CLYBL: variants seen among roughly 807,000 people sequenced by gnomAD.
The protein encoded by CLYBL is citramalyl-CoA lyase, mitochondrial.
In CLYBL, 31 loss-of-function variants were observed where a neutral mutation model predicts 38.9. The observed-to-expected ratio is 0.80, with a 90% CI of 0.60 to 1.08. The LOEUF is 1.08. Among genes scored for constraint, CLYBL ranks in the 50% least tolerant of loss-of-function variants. The probability of loss-of-function intolerance (pLI) is 0.00; values close to 1 mark genes in which losing one functional copy is unlikely to be tolerated. For missense variants in CLYBL, 434 were observed against 411.6 expected, an observed-to-expected ratio of 1.05 and a Z score of -0.47; for synonymous variants, 171 against 158.6, an observed-to-expected ratio of 1.08 and a Z score of -0.59.
At chr13:99,832,845 AAAAG>A (rs1246464645) in intron 2 of CLYBL, among the ~76,000 whole-genome samples, 2 of 151,324 alleles carry the variant, frequency 1.3e-5, no homozygotes, top group Non-Finnish European at 2.9e-5. Flanking sequence ...AAAGGGAAAA[AAAAG>A]AAAGAAAAGG....
chr13:99,876,129 T>G (rs952894586), intron 7 of CLYBL, among the ~76,000 whole-genome samples: 3 of 140,306 alleles, frequency 2.1e-5, no homozygotes, highest in African/African-American at 7.9e-5. Flanking sequence ...AAGATAAGAG[T>G]GTTTTTAATA....
rs181353033 is a variant in CLYBL at position 99,865,921 on chromosome 13, C to T, written c.635-319C>T. Among the ~76,000 whole-genome samples the T allele has an allele frequency of 4.9e-4, 74 of 152,214 alleles. No homozygotes were observed. Among genetic ancestry groups the T allele is most frequent in the Admixed American group, 3.9e-3 (59 of 15,290 alleles). ...TGTCTTTGGACTGGCACTTTTCAAG[C>T]GATGATAAGAAGGAAAAAAATATAT... On this transcript the variant is annotated intron_variant, in intron 5 of 8. Coordinates refer to ENST00000339105, the MANE Select transcript of CLYBL (RefSeq NM_206808.5). The surrounding 1 kb of genome is among the most constrained non-coding windows in gnomAD (Gnocchi z 4.7).
intron 2 of CLYBL, among the ~76,000 whole-genome samples, chr13:99,820,664 C>A (rs1156556704): frequency 2.0e-5 from 3 of 152,158 alleles, no homozygotes; most frequent in African/African-American, 7.2e-5. Context: ...TAACAATTTG[C>A]AGAAATATTT....
intron 1 of CLYBL, among the ~76,000 whole-genome samples, chr13:99,766,865 ACCT>A (rs2049278909): frequency 6.6e-6 from 1 of 151,702 alleles, no homozygotes; most frequent in Non-Finnish European, 1.5e-5. Flanking sequence ...TGTGGGACAA[ACCT>A]CCTATAGTGT....
At chr13:99,806,845 G>A (rs576771061) in intron 2 of CLYBL, among the ~76,000 whole-genome samples, 2 of 152,358 alleles carry the variant, frequency 1.3e-5, no homozygotes, top group Admixed American at 6.5e-5. Context: ...TAAGGGCAGT[G>A]GAGTTTGTTC....
chr13:99,679,226 G>A (rs2047696809), intron 1 of CLYBL, among the ~76,000 whole-genome samples: 2 of 150,952 alleles, frequency 1.3e-5, no homozygotes, highest in Non-Finnish European at 2.9e-5. Flanking sequence ...CCCGGGAGGT[G>A]GAGGTTGCAG....
chr13:99,843,613 T>TTTTC (rs2051134754), intron 2 of CLYBL, among the ~76,000 whole-genome samples: 1 of 151,400 alleles, frequency 6.6e-6, no homozygotes, highest in Non-Finnish European at 1.5e-5. Flanking sequence ...TCTTTTTTTT[T>TTTTC]TTTTTTAAGA....
chr13:99,619,674 A>G (rs1385894868), intron 1 of CLYBL, among the ~76,000 whole-genome samples: 1 of 152,164 alleles, frequency 6.6e-6, no homozygotes, highest in African/African-American at 2.4e-5. Flanking sequence ...TTCAAGTCCA[A>G]TGCTGACCCG....
intron 1 of CLYBL, among the ~76,000 whole-genome samples, chr13:99,618,620 ATTG>A (rs761026653): frequency 3.9e-4 from 60 of 152,142 alleles, no homozygotes; most frequent in African/African-American, 1.0e-3. Flanking sequence ...GTACATTCAC[ATTG>A]TTGTACAACT....
At chr13:99,887,289 AC>A (rs1197066059) in intron 7 of CLYBL, among the ~76,000 whole-genome samples, 2 of 152,052 alleles carry the variant, frequency 1.3e-5, no homozygotes, top group Non-Finnish European at 2.9e-5. Flanking sequence ...CACTCAGAGA[AC>A]CCTTTTCAAT....
At chr13:99,725,140 A>G (rs1240849880) in intron 1 of CLYBL, among the ~76,000 whole-genome samples, 1 of 152,200 alleles carries the variant, frequency 6.6e-6, no homozygotes, top group Non-Finnish European at 1.5e-5. Flanking sequence ...CTAAGCCTTG[A>G]CAAGCAGGGC....
At chr13:99,819,416 TTATATA>T (rs71715024) in intron 2 of CLYBL, among the ~76,000 whole-genome samples, 232 of 18,326 alleles carry the variant, frequency 0.013, 1 homozygote, top group Admixed American at 0.02. Flanking sequence ...GGGAAAAAAT[TTATATA>T]TATATATATA....
At chr13:99,698,060 G>A (rs9585195) in intron 1 of CLYBL, among the ~76,000 whole-genome samples, 72,389 of 152,108 alleles carry the variant, frequency 0.48, 17,691 homozygotes, top group Middle Eastern at 0.57. Context: ...AAGGTTGTTA[G>A]TGTGGCCTAA....
rs559551328 is a variant in CLYBL at position 99,701,603 on chromosome 13, G to C, written c.63-71221G>C. On this transcript the variant is annotated intron_variant, in intron 1 of 8. Transcript: ENST00000339105. ...TGGGATTACAGGCGTGAGCCACCGCGCCCGGCCTGAGGATGTGGTTTTATT... is the reference window on the plus strand; with the variant it reads ...TGGGATTACAGGCGTGAGCCACCGCCCCCGGCCTGAGGATGTGGTTTTATT... 9.2e-5 allele frequency among the ~76,000 whole-genome samples: 14 copies of C among 152,168 alleles called. No homozygotes were observed. In the South Asian group the frequency reaches 2.9e-3, roughly 32 times the overall value.
intron 1 of CLYBL, among the ~76,000 whole-genome samples, chr13:99,669,990 C>T (rs1187340344): frequency 6.6e-6 from 1 of 151,042 alleles, no homozygotes; most frequent in Admixed American, 6.6e-5. Flanking sequence ...GTCAGGTGTT[C>T]GAGACCAGCC....
rs75594245 is a variant in CLYBL, at chr13:99,700,851, C to G, written c.63-71973C>G. Among the ~76,000 whole-genome samples the G allele has an allele frequency of 4.5e-3, 681 of 152,328 alleles. 3 individuals are homozygous for G. Among genetic ancestry groups the G allele is most frequent in the African/African-American group, 0.015 (644 of 41,572 alleles). On this transcript the variant is annotated intron_variant, in intron 1 of 8. Coordinates refer to ENST00000339105, the MANE Select transcript of CLYBL (RefSeq NM_206808.5). ...GGGACACTGGCAATATATGCTGTCT[C>G]TCTGAACACAGCATGAAAGAACTTG...
chr13:99,905,038 A>G (rs543234654), intron 8 of CLYBL, among the ~76,000 whole-genome samples: 43 of 146,890 alleles, frequency 2.9e-4, no homozygotes, highest in Non-Finnish European at 4.9e-4. Context: ...CTTTCCCCAC[A>G]GGGCTGGCCT....
intron 3 of CLYBL, among the ~76,000 whole-genome samples, chr13:99,862,647 AC>A (rs1366832560): frequency 6.6e-6 from 1 of 152,222 alleles, no homozygotes; most frequent in East Asian, 1.9e-4. Context: ...TTAAGGGCCT[AC>A]CATTTGCATT....
At chr13:99,635,054 T>C (rs2046999416) in intron 1 of CLYBL, among the ~76,000 whole-genome samples, 2 of 152,158 alleles carry the variant, frequency 1.3e-5, no homozygotes, top group African/African-American at 4.8e-5. Context: ...GGCAGGCAGC[T>C]GCAGAGGGTG....
Sources: allele counts gnomAD v4.1 joint callset (sites outside exome capture counted in the v4.1 genomes callset), GRCh38; gene constraint gnomAD v4.1.1; non-coding constraint Gnocchi (gnomAD v3.1); transcripts MANE v1.5; gene names NCBI Gene and HGNC (gene_info 2026-07-23, HGNC 2026-07-21).